The following ROBO2 variants were observed in gnomAD, a reference collection of about 807,000 sequenced individuals.
ROBO2 encodes the protein roundabout homolog 2.
A neutral mutation model predicts 160.8 loss-of-function variants in ROBO2; 53 were observed. The ratio of observed to expected loss-of-function variants is 0.33; its 90% CI spans 0.26 to 0.41. ROBO2 has a LOEUF of 0.41. ROBO2 is among the 10% of genes least tolerant of loss of function. The probability of loss-of-function intolerance (pLI) is 1.00; values close to 1 mark genes in which losing one functional copy is unlikely to be tolerated. For missense variants in ROBO2, 1,577 were observed against 1,722.4 expected (o/e 0.92, Z 1.49); for synonymous variants, 664 against 611.7 (o/e 1.09, Z -1.26).
intron 2 of ROBO2, among the ~76,000 whole-genome samples, chr3:77,303,979 C>A (rs1560490192): frequency 6.6e-6 from 1 of 152,106 alleles, no homozygotes; most frequent in Admixed American, 6.6e-5. Flanking sequence ...AAAATAGACT[C>A]ATGTAGCTCT....
intron 2 of ROBO2, among the ~76,000 whole-genome samples, chr3:77,428,961 C>A (rs1476709847): frequency 6.6e-6 from 1 of 152,108 alleles, no homozygotes; most frequent in Non-Finnish European, 1.5e-5. Flanking sequence ...CAGAACCATA[C>A]TATAGAATTT....
intron 17 of ROBO2, among the ~76,000 whole-genome samples, chr3:77,593,573 T>A (rs2094228680): frequency 6.6e-6 from 1 of 152,114 alleles, no homozygotes; most frequent in African/African-American, 2.4e-5. Flanking sequence ...CAGGTACCAA[T>A]AAGAAGTTCC....
At chr3:76,475,390 G>A (rs2078880465) in intron 2 of ROBO2, among the ~76,000 whole-genome samples, 1 of 152,114 alleles carries the variant, frequency 6.6e-6, no homozygotes, top group African/African-American at 2.4e-5. Context: ...ACACTGACCA[G>A]GTGATGTGCA....
intron 2 of ROBO2, among the ~76,000 whole-genome samples, chr3:75,965,700 A>G (rs1250235252): frequency 7.2e-6 from 1 of 139,068 alleles, no homozygotes; most frequent in Non-Finnish European, 1.6e-5. Flanking sequence ...GCTTTAGACA[A>G]CATGAAAATA....
chr3:76,310,353 C>T (rs1422736524), intron 2 of ROBO2, among the ~76,000 whole-genome samples: 2 of 152,042 alleles, frequency 1.3e-5, no homozygotes, highest in African/African-American at 4.8e-5. Flanking sequence ...AAGCCTTGGC[C>T]GTCTATGTTG....
intron 2 of ROBO2, among the ~76,000 whole-genome samples, chr3:77,156,179 C>T (rs1208408868): frequency 6.6e-6 from 1 of 152,028 alleles, no homozygotes; most frequent in African/African-American, 2.4e-5. Flanking sequence ...CATTCTCCTT[C>T]TCCTTTCAAA....
At chr3:76,341,355 A>G (rs536727787) in intron 2 of ROBO2, among the ~76,000 whole-genome samples, 2 of 148,772 alleles carry the variant, frequency 1.3e-5, no homozygotes, top group Admixed American at 6.7e-5. Flanking sequence ...TACGGGTCCA[A>G]TCCAGCCCAC....
At chr3:76,289,639 CTT>C (rs1399208407) in intron 2 of ROBO2, among the ~76,000 whole-genome samples, 1 of 152,080 alleles carries the variant, frequency 6.6e-6, no homozygotes, top group Non-Finnish European at 1.5e-5. Flanking sequence ...ACATTTATGT[CTT>C]TAATCCATCT....
At chr3:76,097,334 G>A (rs758514003) in intron 2 of ROBO2, among the ~76,000 whole-genome samples, 1 of 152,114 alleles carries the variant, frequency 6.6e-6, no homozygotes, top group Non-Finnish European at 1.5e-5. Context: ...ACTTGCTCCT[G>A]GAGAGCTACA....
At chr3:76,584,811 C>A (rs1292325439) in intron 2 of ROBO2, among the ~76,000 whole-genome samples, 1 of 152,186 alleles carries the variant, frequency 6.6e-6, no homozygotes, top group Non-Finnish European at 1.5e-5. Flanking sequence ...ATAGGAACGA[C>A]TTCTGTCTTC....
chr3:75,956,755 C>T (rs989352490), intron 2 of ROBO2, among the ~76,000 whole-genome samples: 1 of 151,724 alleles, frequency 6.6e-6, no homozygotes, highest in Non-Finnish European at 1.5e-5. Context: ...GTTCAATGAA[C>T]ACTGCCTTCA....
intron 2 of ROBO2, among the ~76,000 whole-genome samples, chr3:77,415,038 C>T (rs2077100123): frequency 6.6e-6 from 1 of 152,150 alleles, no homozygotes; most frequent in Non-Finnish European, 1.5e-5. Flanking sequence ...ACTGCTCACT[C>T]CACCCATGAT....
At chr3:76,211,185 A>G (rs1703124672) in intron 2 of ROBO2, among the ~76,000 whole-genome samples, 1 of 152,018 alleles carries the variant, frequency 6.6e-6, no homozygotes, top group African/African-American at 2.4e-5. Flanking sequence ...AGCCATACTT[A>G]CCCTTGCAAC....
chr3:77,232,013 C>T (rs530881900), intron 2 of ROBO2, among the ~76,000 whole-genome samples: 1 of 152,264 alleles, frequency 6.6e-6, no homozygotes, highest in East Asian at 1.9e-4. Context: ...ACTCTAGGTT[C>T]TCTTCCTATC....
At chr3:77,434,085 T>A (rs947871142) in intron 2 of ROBO2, among the ~76,000 whole-genome samples, 5 of 152,028 alleles carry the variant, frequency 3.3e-5, no homozygotes, top group Admixed American at 6.6e-5. Context: ...CTCCTTTTAC[T>A]TTTTGGAAAA....
chr3:76,730,221 T>A (rs1470455348), intron 2 of ROBO2, among the ~76,000 whole-genome samples: 9 of 80,030 alleles, frequency 1.1e-4, no homozygotes, highest in Admixed American at 1.1e-3. Flanking sequence ...TCCTACTCCC[T>A]ACCCACCTCT....
At chr3:76,921,370 G>C (rs2076650403) in intron 2 of ROBO2, among the ~76,000 whole-genome samples, 1 of 152,136 alleles carries the variant, frequency 6.6e-6, no homozygotes, top group Admixed American at 6.5e-5. Context: ...CCAGCACTTT[G>C]GGAGGAAGAG....
intron 2 of ROBO2, among the ~76,000 whole-genome samples, chr3:77,287,808 A>G (rs996182437): frequency 2.0e-5 from 3 of 152,180 alleles, no homozygotes; most frequent in Non-Finnish European, 2.9e-5. Flanking sequence ...GCCTTTCCCT[A>G]GAGTATAATT....
chr3:76,422,564 C>T lies in ROBO2; in HGVS notation c.109+484962C>T, dbSNP rs572859068. Among the ~76,000 whole-genome samples the T allele has an allele frequency of 4.7e-4, 72 of 152,236 alleles. 1 individual carries two copies. Among genetic ancestry groups the T allele is most frequent in the African/African-American group, 1.7e-3 (71 of 41,536 alleles). On this transcript the variant is annotated intron_variant, in intron 2 of 26. Coordinates refer to the ROBO2 transcript ENST00000487694. ...TGGGGCGCCATTTAGTAAATTGCAT[C>T]GTCTTTTTGGAAATGGGATCATGGC...
Sources: gnomAD v4.1 joint callset for allele counts (sites outside exome capture counted in the v4.1 genomes callset) on GRCh38, gnomAD v4.1.1 for gene constraint, MANE v1.5 for transcripts, NCBI Gene and HGNC (gene_info 2026-07-23, HGNC 2026-07-21) for gene names.